Variants in FGF14 observed in about 807,000 individuals in gnomAD.
FGF14 encodes the protein fibroblast growth factor homologous factor 4.
In FGF14, 5 loss-of-function variants were observed where a neutral mutation model predicts 25.5. That is an observed-to-expected ratio of 0.20 (90% confidence interval 0.10 to 0.41). FGF14 has a LOEUF of 0.41. Ranked by LOEUF, FGF14 falls within the 10% of genes least tolerant of loss-of-function variation. The pLI, the probability that FGF14 is intolerant of heterozygous loss-of-function variation, is 1.00. For missense variants in FGF14, 222 were observed against 320.1 expected (o/e 0.69, Z 2.34); for synonymous variants, 138 against 118.3 (o/e 1.17, Z -1.08).
intron 1 of FGF14, among the ~76,000 whole-genome samples, chr13:102,305,978 A>G (rs913245541): frequency 1.6e-4 from 24 of 152,150 alleles, no homozygotes; most frequent in African/African-American, 5.8e-4. Context: ...ATGCTAAATA[A>G]TTTCAATGCC....
intron 1 of FGF14, among the ~76,000 whole-genome samples, chr13:102,005,467 G>A (rs1476540462): frequency 6.6e-6 from 1 of 152,168 alleles, no homozygotes; most frequent in Non-Finnish European, 1.5e-5. Context: ...CAGGAACAGT[G>A]CCAGTTCACA....
chr13:101,900,496 A>T (rs1025606891), intron 1 of FGF14, among the ~76,000 whole-genome samples: 2 of 152,344 alleles, frequency 1.3e-5, no homozygotes, highest in Admixed American at 6.5e-5. Flanking sequence ...GGACTTCACT[A>T]CAGATTTTAT....
chr13:102,390,968 T>C (rs1347023646), intron 1 of FGF14, among the ~76,000 whole-genome samples: 1 of 152,176 alleles, frequency 6.6e-6, no homozygotes, highest in African/African-American at 2.4e-5. Flanking sequence ...AAGAAAAAAC[T>C]TAAGCCGAAT....
chr13:102,125,248 T>C (rs1218070993), intron 1 of FGF14, among the ~76,000 whole-genome samples: 1 of 152,212 alleles, frequency 6.6e-6, no homozygotes, highest in African/African-American at 2.4e-5. Context: ...GTCAATTATA[T>C]TTTTGGTTTT....
chr13:102,027,836 C>A (rs561961254), intron 1 of FGF14, among the ~76,000 whole-genome samples: 1 of 152,130 alleles, frequency 6.6e-6, no homozygotes, highest in African/African-American at 2.4e-5. Context: ...CTAGGCTAAC[C>A]TGCAGGTGTT....
chr13:102,107,658 G>C (rs536644126), intron 1 of FGF14, among the ~76,000 whole-genome samples: 2 of 152,318 alleles, frequency 1.3e-5, no homozygotes, highest in Admixed American at 1.3e-4. Flanking sequence ...TTTGCATGTA[G>C]CTGGTGCAGA....
At chr13:102,242,514 TAGAG>T (rs1437417953) in intron 1 of FGF14, among the ~76,000 whole-genome samples, 21 of 152,014 alleles carry the variant, frequency 1.4e-4, no homozygotes, top group Admixed American at 1.4e-3. Flanking sequence ...GCAAGAGAGA[TAGAG>T]AGAGAAAAGG....
intron 1 of FGF14, among the ~76,000 whole-genome samples, chr13:101,884,928 T>G (rs2045917399): frequency 6.6e-6 from 1 of 151,844 alleles, no homozygotes; most frequent in African/African-American, 2.4e-5. Flanking sequence ...CCTTTCTTCT[T>G]AGGGGCTTGA....
intron 1 of FGF14, among the ~76,000 whole-genome samples, chr13:102,038,207 G>C (rs1210367437): frequency 6.6e-6 from 1 of 152,032 alleles, no homozygotes; most frequent in Non-Finnish European, 1.5e-5. Flanking sequence ...GAATGGGTTT[G>C]GATCAACCAC....
rs889218369 is a variant in FGF14, at chr13:101,714,581, A to G, written c.*8250T>C. ...AGTATTAACCTTTTCTAATTGCTCTATGCCACAGTTTGTTATAGAGCCAAG... is the reference window on the plus strand; with the variant it reads ...AGTATTAACCTTTTCTAATTGCTCTGTGCCACAGTTTGTTATAGAGCCAAG... On this transcript the variant is annotated 3_prime_UTR_variant, in exon 5 of 5. Transcript: ENST00000376143. The G allele has an allele frequency of 7.7e-7, 1 of 1,302,296 alleles. No individual in the cohort carries two copies. The highest frequency in any genetic ancestry group is 1.1e-6 in the Non-Finnish European group (1 of 896,414). 80.7% of individuals were successfully genotyped at this position (1,302,296 alleles called of 1,614,324 possible).
At chr13:102,058,563 G>A (rs1352143570) in intron 1 of FGF14, among the ~76,000 whole-genome samples, 1 of 152,124 alleles carries the variant, frequency 6.6e-6, no homozygotes, top group Non-Finnish European at 1.5e-5. Context: ...ATTGTAGAGA[G>A]TAGACAAATA....
At chr13:102,386,029 A>G (rs2139200935) in intron 1 of FGF14, among the ~76,000 whole-genome samples, 1 of 152,270 alleles carries the variant, frequency 6.6e-6, no homozygotes, top group Non-Finnish European at 1.5e-5. Flanking sequence ...TTGAACTTAC[A>G]CTGGCATATT....
At chr13:102,344,859 G>A (rs1486970829) in intron 1 of FGF14, among the ~76,000 whole-genome samples, 1 of 152,202 alleles carries the variant, frequency 6.6e-6, no homozygotes, top group Non-Finnish European at 1.5e-5. Flanking sequence ...ATCATACAAA[G>A]GTATGGAGCA....
At chr13:102,317,635 C>T (rs146938995) in intron 1 of FGF14, among the ~76,000 whole-genome samples, 60 of 152,226 alleles carry the variant, frequency 3.9e-4, no homozygotes, top group Non-Finnish European at 6.9e-4. Flanking sequence ...TTTTAACATA[C>T]TTGAGAGGCT....
intron 1 of FGF14, among the ~76,000 whole-genome samples, chr13:101,968,546 G>C (rs951979084): frequency 6.6e-6 from 1 of 151,894 alleles, no homozygotes; most frequent in Admixed American, 6.6e-5. Flanking sequence ...GGTGGCAGGC[G>C]CCTGCAGTCC....
At chr13:102,072,603 C>A (rs573948146) in intron 1 of FGF14, among the ~76,000 whole-genome samples, 1 of 152,294 alleles carries the variant, frequency 6.6e-6, no homozygotes, top group Admixed American at 6.5e-5. Context: ...GTGTTATACA[C>A]TGAATTTTAA....
At chr13:102,275,954 A>C (rs920113189) in intron 1 of FGF14, among the ~76,000 whole-genome samples, 2 of 152,146 alleles carry the variant, frequency 1.3e-5, no homozygotes, top group Non-Finnish European at 2.9e-5. Context: ...ACAGTAAAAA[A>C]ACAAACAAAA....
intron 1 of FGF14, among the ~76,000 whole-genome samples, chr13:102,117,903 G>A (rs562093452): frequency 1.8e-4 from 27 of 152,224 alleles, no homozygotes; most frequent in African/African-American, 5.8e-4. Flanking sequence ...AAAGAAAAAT[G>A]GGCAGAGAGG....
At chr13:102,398,051 T>TGTGTGTGTG (rs1555411451) in intron 1 of FGF14, among the ~76,000 whole-genome samples, 1 of 148,360 alleles carries the variant, frequency 6.7e-6, no homozygotes, top group Non-Finnish European at 1.5e-5. Context: ...TGTGTGTGTG[T>TGTGTGTGTG]TCTCTGATAA....
Sources: allele counts gnomAD v4.1 joint callset (sites outside exome capture counted in the v4.1 genomes callset), GRCh38; gene constraint gnomAD v4.1.1; transcripts MANE v1.5; gene names NCBI Gene and HGNC (gene_info 2026-07-23, HGNC 2026-07-21).